The following OR6N1 variants were observed in gnomAD, a reference collection of about 807,000 sequenced individuals.
OR6N1 encodes olfactory receptor family 6 subfamily N member 1.
For missense variants in OR6N1, 394 were observed against 371.7 expected (o/e 1.06, Z -0.49); for synonymous variants, 170 against 150.7 (o/e 1.13, Z -0.94).
chr1:158,809,941 G>A, the OR6N1 span, among the ~76,000 whole-genome samples: 432 of 152,192 alleles, frequency 2.8e-3, no homozygotes, highest in African/African-American at 9.7e-3. Context: ...AGGAATTCTC[G>A]AAAAGGAAAA....
At chr1:158,796,448 A>G in the OR6N1 span, among the ~76,000 whole-genome samples, 1 of 152,054 alleles carries the variant, frequency 6.6e-6, no homozygotes, top group Non-Finnish European at 1.5e-5. Context: ...GTATTTTCCA[A>G]CACCCTGTCA....
chr1:158,771,102 A>G (rs535586374), intron 1 of OR6N1, among the ~76,000 whole-genome samples: 1 of 152,294 alleles, frequency 6.6e-6, no homozygotes, highest in African/African-American at 2.4e-5. Context: ...AATATGCTTT[A>G]TCTTTTGTCA....
chr1:158,767,538 G>A (rs1171521275), intron 1 of OR6N1, among the ~76,000 whole-genome samples: 2 of 152,100 alleles, frequency 1.3e-5, no homozygotes, highest in African/African-American at 2.4e-5. Context: ...TCAGTACTCT[G>A]GGCATTATAC....
the OR6N1 span, among the ~76,000 whole-genome samples, chr1:158,793,111 C>T: frequency 6.6e-6 from 1 of 151,810 alleles, no homozygotes; most frequent in Non-Finnish European, 1.5e-5. Flanking sequence ...TTTTCATTTC[C>T]AGAAGTTCTC....
chr1:158,806,690 G>GT, the OR6N1 span, among the ~76,000 whole-genome samples: 83 of 149,368 alleles, frequency 5.6e-4, 1 homozygote, highest in South Asian at 4.0e-3. Context: ...CTTTGATGTA[G>GT]TTTTTTTTTT....
the OR6N1 span, among the ~76,000 whole-genome samples, chr1:158,811,665 T>C: frequency 2.6e-5 from 4 of 152,160 alleles, no homozygotes. Flanking sequence ...GATACAAATA[T>C]GGTTTGAAAT....
the OR6N1 span, among the ~76,000 whole-genome samples, chr1:158,779,440 A>G: frequency 6.6e-6 from 1 of 152,254 alleles, no homozygotes; most frequent in Non-Finnish European, 1.5e-5. Flanking sequence ...GAATTCATTT[A>G]AACAATTCAT....
chr1:158,824,274 C>T, the OR6N1 span, among the ~76,000 whole-genome samples: 1 of 152,084 alleles, frequency 6.6e-6, no homozygotes, highest in Non-Finnish European at 1.5e-5. Flanking sequence ...TTTTTGCCTG[C>T]TACCATCCAT....
chr1:158,838,033 A>C, the OR6N1 span, among the ~76,000 whole-genome samples: 9 of 151,880 alleles, frequency 5.9e-5, no homozygotes, highest in Non-Finnish European at 1.3e-4. Flanking sequence ...TACAAATTGC[A>C]TTTATATAAT....
chr1:158,771,107 T>G (rs1657414792), intron 1 of OR6N1, among the ~76,000 whole-genome samples: 3 of 152,220 alleles, frequency 2.0e-5, no homozygotes, highest in Admixed American at 2.0e-4. Flanking sequence ...GCTTTATCTT[T>G]TGTCAATCTG....
At chr1:158,784,514 A>G in the OR6N1 span, among the ~76,000 whole-genome samples, 1 of 152,128 alleles carries the variant, frequency 6.6e-6, no homozygotes, top group Non-Finnish European at 1.5e-5. Context: ...GAACACCAGA[A>G]CTTCTTCCTC....
the OR6N1 span, among the ~76,000 whole-genome samples, chr1:158,812,353 A>G: frequency 6.6e-6 from 1 of 152,270 alleles, no homozygotes; most frequent in Admixed American, 6.5e-5. Flanking sequence ...TAAAAGTAAC[A>G]TGAAGAGATA....
chr1:158,767,875 A>G (rs1657317747), intron 1 of OR6N1, among the ~76,000 whole-genome samples: 1 of 152,098 alleles, frequency 6.6e-6, no homozygotes, highest in African/African-American at 2.4e-5. Flanking sequence ...TTATACTACC[A>G]CCACTCCATT....
the OR6N1 span, among the ~76,000 whole-genome samples, chr1:158,837,398 T>C: frequency 2.0e-5 from 3 of 151,846 alleles, no homozygotes; most frequent in East Asian, 1.9e-4. Flanking sequence ...GTTTTGTGCA[T>C]GTATGTTTCT....
chr1:158,770,392 T>G (rs1657395105), intron 1 of OR6N1, among the ~76,000 whole-genome samples: 1 of 152,218 alleles, frequency 6.6e-6, no homozygotes, highest in Admixed American at 6.5e-5. Flanking sequence ...AAGTTCACAG[T>G]TCTCAGAGGT....
upstream of OR6N1, among the ~76,000 whole-genome samples, chr1:158,773,865 A>G (rs1209148027): frequency 6.6e-6 from 1 of 152,138 alleles, no homozygotes; most frequent in Non-Finnish European, 1.5e-5. Context: ...GTATATTTGT[A>G]TATTACTGAT....
chr1:158,809,849 C>T, the OR6N1 span, among the ~76,000 whole-genome samples: 1 of 152,118 alleles, frequency 6.6e-6, no homozygotes, highest in Non-Finnish European at 1.5e-5. Context: ...CTATAATATC[C>T]TAGGCCCGTG....
upstream of OR6N1, chr1:158,774,321 G>T (rs887762543): frequency 6.6e-6 from 1 of 152,130 alleles, no homozygotes; most frequent in Non-Finnish European, 1.5e-5. Flanking sequence ...ATATGCAAAG[G>T]TTCTCTACCT....
the OR6N1 span, among the ~76,000 whole-genome samples, chr1:158,818,484 G>A: frequency 6.6e-6 from 1 of 152,156 alleles, no homozygotes; most frequent in Non-Finnish European, 1.5e-5. Flanking sequence ...AATAAGCCAG[G>A]AACAGAGTAA....
Sources: allele counts gnomAD v4.1 joint callset (sites outside exome capture counted in the v4.1 genomes callset), GRCh38; gene constraint gnomAD v4.1.1; transcripts MANE v1.5; gene names NCBI Gene and HGNC (gene_info 2026-07-23, HGNC 2026-07-21).